ZNF431: variants seen among roughly 807,000 people sequenced by gnomAD.
ZNF431 encodes the protein zinc finger protein 431.
ZNF431 carries 34 observed loss-of-function variants against 57.0 expected under a neutral mutation model. That is an observed-to-expected ratio of 0.60 (90% confidence interval 0.45 to 0.79). The LOEUF (loss-of-function observed/expected upper bound fraction) is 0.79, where lower values mean the gene tolerates loss of function less well. Among genes scored for constraint, ZNF431 ranks in the 30% least tolerant of loss-of-function variants. The pLI is 0.00. For missense variants in ZNF431, 607 were observed against 667.1 expected, an observed-to-expected ratio of 0.91 and a Z score of 0.99; for synonymous variants, 207 against 220.3, an observed-to-expected ratio of 0.94 and a Z score of 0.54.
chr19:21,150,007 C>A, intron 2 of ZNF431: 1 of 586,762 alleles, frequency 1.7e-6, no homozygotes, highest in Non-Finnish European at 3.2e-6. Flanking sequence ...TTTTCTCCAC[C>A]AAGGTGGTGA....
At chr19:21,179,340 GT>G (rs1003362133) in intron 4 of ZNF431, among the ~76,000 whole-genome samples, 1 of 151,950 alleles carries the variant, frequency 6.6e-6, no homozygotes, top group Non-Finnish European at 1.5e-5. Flanking sequence ...TTTTTGAAGG[GT>G]TTTTTGGGTC....
chr19:21,156,350 C>A (rs906852464), intron 2 of ZNF431, among the ~76,000 whole-genome samples: 5 of 151,352 alleles, frequency 3.3e-5, no homozygotes, highest in Admixed American at 2.0e-4. Flanking sequence ...TTGCACTCTT[C>A]CCCACGCATG....
At chr19:21,167,229 T>G (rs1011916988) in intron 3 of ZNF431, among the ~76,000 whole-genome samples, 3 of 152,032 alleles carry the variant, frequency 2.0e-5, no homozygotes, top group African/African-American at 7.2e-5. Flanking sequence ...TGCACTATCT[T>G]GGCTCACTGC....
Position 21,168,846 on chromosome 19 carries a change from C to A in ZNF431, c.319+1180C>A, listed in dbSNP as rs1157943048. The stretch of plus-strand genomic sequence containing the variant: ...TCAGATAGTTTTAAGTGTATGGAAC[C>A]ATAACTTTATGTTAATTTTATATTT... On this transcript the variant is annotated intron_variant, in intron 4 of 4. Coordinates refer to ENST00000311048, the MANE Select transcript of ZNF431 (RefSeq NM_133473.4). Among the ~76,000 whole-genome samples, 7 of 152,016 alleles carry A rather than the reference C, an allele frequency of 4.6e-5. No individual in the cohort carries two copies. In the South Asian group the frequency reaches 1.5e-3, roughly 32 times the overall value.
chr19:21,184,240 C>T lies in ZNF431; in HGVS notation c.*206C>T, dbSNP rs1971303011. Reference sequence around the variant, plus strand: ...TGGCACGTGCCTGTATTCCCATCTACTCGGGAGGCTTAGGCAGGATAATCA... The same window carrying T: ...TGGCACGTGCCTGTATTCCCATCTATTCGGGAGGCTTAGGCAGGATAATCA... On this transcript the variant is annotated 3_prime_UTR_variant, in exon 5 of 5. Coordinates refer to ENST00000311048, the MANE Select transcript of ZNF431 (RefSeq NM_133473.4). 1 of 452,062 alleles carries T rather than the reference C, an allele frequency of 2.2e-6. No individual in the cohort carries two copies. The highest frequency in any genetic ancestry group is 3.9e-6 in the Non-Finnish European group (1 of 258,056). The allele number at this position is 452,062 out of a possible 1,614,324, so 28.0% of individuals were successfully genotyped here. A position where few individuals can be genotyped will look rare whatever the true frequency, so the allele number is the denominator to read the frequency against.
In ZNF431 at chr19:21,189,546, T is replaced by C. The variant is rs1388493416; in HGVS notation, c.*5512T>C. 1 of 191,590 alleles carries C rather than the reference T, an allele frequency of 5.2e-6. No individual in the cohort carries two copies. The highest frequency in any genetic ancestry group is 1.1e-5 in the Non-Finnish European group (1 of 94,534). The allele number at this position is 191,590 out of a possible 1,614,324, so 11.9% of individuals were successfully genotyped here. A position where few individuals can be genotyped will look rare whatever the true frequency, so the allele number is the denominator to read the frequency against. On this transcript the variant is annotated 3_prime_UTR_variant, in exon 5 of 5. Transcript: ENST00000311048. ...TGAGACCACATGACACTGTCATCATTTTTCAAAAATCCAAATACATTATTA... is the reference window on the plus strand; with the variant it reads ...TGAGACCACATGACACTGTCATCATCTTTCAAAAATCCAAATACATTATTA...
chr19:21,195,095 AAAC>A lies in ZNF431; in HGVS notation c.*11066_*11068del, dbSNP rs1201087971. 1 of 152,028 alleles carries A rather than the reference AAAC, an allele frequency of 6.6e-6. No homozygotes were observed. The highest frequency in any genetic ancestry group is 2.4e-5 in the African/African-American group (1 of 41,348). 9.4% of individuals were successfully genotyped at this position (152,028 alleles called of 1,614,324 possible). The stretch of plus-strand genomic sequence containing the variant: ...GAGAGCTGCCTGACAAAAAGCGTGT[AAAC>A]AACAGTGATTGCTCCTGTGGCCCTG... On this transcript the variant is annotated 3_prime_UTR_variant, in exon 5 of 5. Transcript: ENST00000311048.
chr19:21,173,476 C>A (rs1026771354), intron 4 of ZNF431, among the ~76,000 whole-genome samples: 1 of 152,060 alleles, frequency 6.6e-6, no homozygotes, highest in Non-Finnish European at 1.5e-5. Context: ...TATTTTTAAA[C>A]ATATAGTATA....
intron 4 of ZNF431, among the ~76,000 whole-genome samples, chr19:21,173,798 A>G (rs1026299273): frequency 2.0e-5 from 3 of 152,092 alleles, no homozygotes; most frequent in Admixed American, 6.6e-5. Context: ...AGGTGCTGGG[A>G]TTACATGCGT....
chr19:21,163,726 G>T lies in ZNF431; in HGVS notation c.97-2609G>T, dbSNP rs905988118. Among the ~76,000 whole-genome samples, 5 of 152,046 alleles carry T rather than the reference G, an allele frequency of 3.3e-5. No individual in the cohort carries two copies. In the South Asian group the frequency reaches 1.0e-3, roughly 32 times the overall value. ...GTAGAGATGAGGTTTCTCCCTGTTT[G>T]TCAGGCTGGTCTTGAACTCCAGACC... On this transcript the variant is annotated intron_variant, in intron 2 of 4. Coordinates refer to ENST00000311048, the MANE Select transcript of ZNF431 (RefSeq NM_133473.4).
At chr19:21,171,289 A>G (rs1970881114) in intron 4 of ZNF431, among the ~76,000 whole-genome samples, 1 of 152,190 alleles carries the variant, frequency 6.6e-6, no homozygotes, top group Non-Finnish European at 1.5e-5. Flanking sequence ...TATTGTAGTT[A>G]TCTAGACAAT....
intron 4 of ZNF431, among the ~76,000 whole-genome samples, chr19:21,168,920 T>G (rs1352979980): frequency 1.3e-5 from 2 of 152,118 alleles, no homozygotes; most frequent in Admixed American, 1.3e-4. Flanking sequence ...TTTTCTTTTT[T>G]TTCTTTTTTG....
At chr19:21,168,387 A>G (rs570638233) in intron 4 of ZNF431, among the ~76,000 whole-genome samples, 2 of 148,736 alleles carry the variant, frequency 1.3e-5, no homozygotes, top group African/African-American at 5.0e-5. Flanking sequence ...TTTTTTTTTG[A>G]GACAGAATCT....
chr19:21,181,511 C>A (rs1435859516), intron 4 of ZNF431, among the ~76,000 whole-genome samples: 1 of 151,968 alleles, frequency 6.6e-6, no homozygotes, highest in Non-Finnish European at 1.5e-5. Flanking sequence ...CAGCTCCATT[C>A]TCTTCTTGTC....
chr19:21,170,637 CTTTCT>C (rs568785872), intron 4 of ZNF431, among the ~76,000 whole-genome samples: 16 of 151,348 alleles, frequency 1.1e-4, no homozygotes, highest in South Asian at 4.2e-4. Context: ...AACATAATTT[CTTTCT>C]TTTCTTTTCT....
At chr19:21,181,482 A>T (rs1350765867) in intron 4 of ZNF431, among the ~76,000 whole-genome samples, 1 of 152,082 alleles carries the variant, frequency 6.6e-6, no homozygotes, top group Non-Finnish European at 1.5e-5. Flanking sequence ...CTTGTAAATG[A>T]CATGTCGTTT....
chr19:21,170,864 G>A (rs990436206), intron 4 of ZNF431, among the ~76,000 whole-genome samples: 3 of 151,948 alleles, frequency 2.0e-5, no homozygotes, highest in Admixed American at 6.6e-5. Context: ...TAGTAGAGTC[G>A]GGGTTTCACC....
intron 2 of ZNF431, among the ~76,000 whole-genome samples, chr19:21,165,092 CA>C (rs58552017): frequency 0.89 from 118,352 of 133,004 alleles, 52,703 homozygotes; most frequent in Middle Eastern, 0.95. Flanking sequence ...CTGGGCAACT[CA>C]AAAAAAAAAA....
intron 2 of ZNF431, among the ~76,000 whole-genome samples, chr19:21,153,999 AGCC>A (rs1970349761): frequency 6.6e-6 from 1 of 151,972 alleles, no homozygotes; most frequent in Admixed American, 6.6e-5. Flanking sequence ...TACAGGCATG[AGCC>A]GCCGCACCCA....
Sources: gnomAD v4.1 joint callset for allele counts (sites outside exome capture counted in the v4.1 genomes callset) on GRCh38, gnomAD v4.1.1 for gene constraint, MANE v1.5 for transcripts, NCBI Gene and HGNC (gene_info 2026-07-23, HGNC 2026-07-21) for gene names.